TEX11: variants seen among roughly 807,000 people sequenced by gnomAD.
TEX11 encodes the protein testis-expressed protein 11.
TEX11 carries 7 observed loss-of-function variants against 84.4 expected under a neutral mutation model. That is an observed-to-expected ratio of 0.08 (90% confidence interval 0.05 to 0.16). TEX11 has a LOEUF of 0.16. Among genes scored for constraint, TEX11 ranks in the 10% least tolerant of loss-of-function variants. The pLI is 1.00. For synonymous variants in TEX11, 264 were observed against 222.8 expected (o/e 1.18, Z -1.64); for missense variants, 551 against 660.5 (o/e 0.83, Z 1.82).
chrX:70,693,981 T>C (rs2090258148), intron 13 of TEX11, among the ~76,000 whole-genome samples: 1 of 111,970 alleles, frequency 8.9e-6, no homozygotes, highest in African/African-American at 3.2e-5. Context: ...AACCTGCACA[T>C]GTACTTCTGA....
intron 16 of TEX11, among the ~76,000 whole-genome samples, chrX:70,662,197 T>C (rs185149293): frequency 1.8e-5 from 2 of 111,730 alleles, no homozygotes; most frequent in African/African-American, 6.5e-5. Flanking sequence ...AAAACCATGG[T>C]ACGAGAACTA....
At chrX:70,567,468 G>A (rs2088506449) in intron 25 of TEX11, among the ~76,000 whole-genome samples, 1 of 110,575 alleles carries the variant, frequency 9.0e-6, no homozygotes, top group African/African-American at 3.3e-5. Context: ...GTTTGCTCTT[G>A]CTTTTCTAGT....
At chrX:70,813,585 G>C (rs2147815298) in intron 8 of TEX11, among the ~76,000 whole-genome samples, 1 of 111,384 alleles carries the variant, frequency 9.0e-6, no homozygotes, top group Admixed American at 9.6e-5. Context: ...CATAGTGTTG[G>C]AAGTTCTGGC....
intron 24 of TEX11, among the ~76,000 whole-genome samples, chrX:70,597,177 C>T (rs900490822): frequency 9.0e-6 from 1 of 111,688 alleles, no homozygotes; most frequent in African/African-American, 3.2e-5. Flanking sequence ...AAAGATATTC[C>T]ATGTTCATGA....
intron 11 of TEX11, among the ~76,000 whole-genome samples, chrX:70,729,328 T>C (rs995586162): frequency 1.8e-5 from 2 of 110,164 alleles, no homozygotes; most frequent in Non-Finnish European, 3.8e-5. Context: ...CTTTGACGAG[T>C]TGAGAGAAGG....
intron 8 of TEX11, among the ~76,000 whole-genome samples, chrX:70,810,228 A>C (rs2091244235): frequency 8.9e-6 from 1 of 112,161 alleles, no homozygotes; most frequent in Non-Finnish European, 1.9e-5. Flanking sequence ...TGTGGAAGAC[A>C]GTGTGGTGAT....
rs1444132300 is a variant in TEX11 at position 70,708,991 on chromosome X, A to C, written c.1004+13627T>G. On this transcript the variant is annotated intron_variant, in intron 13 of 29. Coordinates refer to ENST00000374333, the MANE Select transcript of TEX11 (RefSeq NM_031276.3). ...CTAAAACCAATCCCTCTAGGGAAAA[A>C]ACCTACAAACTTATCTATTTCAACA... is the stretch of plus-strand genomic sequence containing the variant. 4.5e-5 allele frequency among the ~76,000 whole-genome samples: 5 copies of C among 110,971 alleles called. No homozygotes were observed. In the South Asian group the frequency reaches 1.1e-3, roughly 25 times the overall value.
chrX:70,852,070 T>A (rs1460669511), intron 7 of TEX11, among the ~76,000 whole-genome samples: 1 of 112,408 alleles, frequency 8.9e-6, no homozygotes, highest in Non-Finnish European at 1.9e-5. Context: ...ATTGCACAAT[T>A]CTGTGAATAT....
chrX:70,532,736 C>T (rs896720952), intron 28 of TEX11, among the ~76,000 whole-genome samples: 10 of 103,053 alleles, frequency 9.7e-5, no homozygotes, highest in African/African-American at 1.8e-4. Context: ...CTCCAAACTC[C>T]GTCTCAAAAA....
chrX:70,649,874 G>A (rs1201807372), intron 17 of TEX11, among the ~76,000 whole-genome samples: 1 of 111,379 alleles, frequency 9.0e-6, no homozygotes, highest in Non-Finnish European at 1.9e-5. Flanking sequence ...TGTCTCAGAG[G>A]TGAAAAAAAA....
chrX:70,528,421 G>A (rs1189844501), downstream of TEX11, among the ~76,000 whole-genome samples: 1 of 110,671 alleles, frequency 9.0e-6, no homozygotes, highest in East Asian at 2.8e-4. Flanking sequence ...GGGTTCAAAC[G>A]ATTCTCCTGC....
chrX:70,573,168 C>T (rs149581339), intron 25 of TEX11, among the ~76,000 whole-genome samples: 80 of 110,804 alleles, frequency 7.2e-4, no homozygotes, highest in African/African-American at 2.6e-3. Context: ...GGAACCATAA[C>T]AAACCTGTCT....
chrX:70,641,494 G>C (rs2089657879), intron 17 of TEX11, among the ~76,000 whole-genome samples: 1 of 110,857 alleles, frequency 9.0e-6, no homozygotes, highest in Non-Finnish European at 1.9e-5. Context: ...CACACCTATT[G>C]CAAAACTGAC....
In TEX11 at chrX:70,879,913, T is replaced by A. The variant is rs1040907031; in HGVS notation, c.159+75A>T. On this transcript the variant is annotated intron_variant, in intron 3 of 29. Coordinates refer to ENST00000374333, the MANE Select transcript of TEX11 (RefSeq NM_031276.3). Reference sequence around the variant, plus strand: ...AATGGTTAAGCATGAAGACTACTTTTTTACCTATATAATACATTGGTTAAA... The same window carrying A: ...AATGGTTAAGCATGAAGACTACTTTATTACCTATATAATACATTGGTTAAA... 39 of 894,431 alleles carry A rather than the reference T, an allele frequency of 4.4e-5. No individual in the cohort carries two copies. The African/African-American group carries it at 7.7e-4, about 18-fold the overall frequency. The allele number at this position is 894,431 out of a possible 1,213,427, so 73.7% of individuals were successfully genotyped here.
chrX:70,907,934 A>T (rs1602229368), intron 1 of TEX11, 124 bp from the exon 2 acceptor site: 2 of 495,619 alleles, frequency 4.0e-6, no homozygotes, highest in South Asian at 7.2e-5. Flanking sequence ...GAGTAAAGTT[A>T]AAAGCCCATG....
chrX:70,684,256 A>G (rs1158129228), intron 13 of TEX11, among the ~76,000 whole-genome samples: 1 of 112,522 alleles, frequency 8.9e-6, no homozygotes, highest in Non-Finnish European at 1.9e-5. Context: ...CCAAAAAGGA[A>G]ATCAAGAAAA....
intron 9 of TEX11, among the ~76,000 whole-genome samples, chrX:70,770,857 A>G (rs1054457469): frequency 9.0e-6 from 1 of 111,509 alleles, no homozygotes; most frequent in African/African-American, 3.3e-5. Context: ...ATACAGGCAG[A>G]AAAGAGACAC....
intron 11 of TEX11, 120 bp from the exon 12 acceptor site, chrX:70,725,463 A>G: frequency 2.5e-6 from 1 of 401,099 alleles, no homozygotes; most frequent in Non-Finnish European, 4.4e-6. Context: ...GGAAATCGAA[A>G]TTACAGAAGA....
intron 13 of TEX11, among the ~76,000 whole-genome samples, chrX:70,699,743 C>T (rs935239028): frequency 9.0e-6 from 1 of 111,285 alleles, no homozygotes; most frequent in African/African-American, 3.3e-5. Context: ...TGGTCATCAT[C>T]ATCATCATCA....
Sources: allele counts gnomAD v4.1 joint callset (sites outside exome capture counted in the v4.1 genomes callset), GRCh38; gene constraint gnomAD v4.1.1; transcripts MANE v1.5; gene names NCBI Gene and HGNC (gene_info 2026-07-23, HGNC 2026-07-21).